WTIP: variants seen among roughly 807,000 people sequenced by gnomAD.
WTIP encodes Wilms tumor protein 1-interacting protein.
WTIP carries 23 observed loss-of-function variants against 41.7 expected under a neutral mutation model. The ratio of observed to expected loss-of-function variants is 0.55; its 90% CI spans 0.40 to 0.78. WTIP has a LOEUF of 0.78. Among genes scored for constraint, WTIP ranks in the 30% least tolerant of loss-of-function variants. The pLI is 0.00. For synonymous variants in WTIP, 314 were observed against 269.9 expected (o/e 1.16, Z -1.60); for missense variants, 619 against 610.5 (o/e 1.01, Z -0.15).
chr19:34,493,401 C>T lies in WTIP; in HGVS notation c.900+76C>T, dbSNP rs1432583290. On this transcript the variant is annotated intron_variant, in intron 4 of 7. Transcript: ENST00000590071. This position sits in a 1 kb window ranked among gnomAD's most constrained non-coding sequence, Gnocchi z 4.1. ...GAGGACTCTACCGTCTCCCCTGCTC[C>T]AGACCTGCCAGGGGTTCAGGGCCAG... 3.1e-6 allele frequency: 5 copies of T among 1,592,688 alleles called. No homozygotes were observed. The East Asian group carries it at 6.9e-5, about 22-fold the overall frequency.
In WTIP at chr19:34,511,175, A is replaced by C. The variant is rs555359744; in HGVS notation, c.*10906A>C. The C allele has an allele frequency of 2.9e-3, 447 of 152,592 alleles. 1 individual carries two copies. Among genetic ancestry groups the C allele is most frequent in the African/African-American group, 9.6e-3 (400 of 41,568 alleles). 9.5% of individuals were successfully genotyped at this position (152,592 alleles called of 1,614,324 possible). A position where few individuals can be genotyped will look rare whatever the true frequency, so the allele number is the denominator to read the frequency against. On this transcript the variant is annotated 3_prime_UTR_variant, in exon 8 of 8. Coordinates refer to ENST00000590071, the MANE Select transcript of WTIP (RefSeq NM_001080436.2). ...TGTGACTGGGAAGAAAAAGAGGTTT[A>C]ATGGGACTTGTAGCTCCACATGGCT...
intron 7 of WTIP, among the ~76,000 whole-genome samples, chr19:34,499,332 C>T (rs2075871988): frequency 1.3e-5 from 2 of 151,868 alleles, no homozygotes; most frequent in East Asian, 1.9e-4. Flanking sequence ...CAACATGAAA[C>T]CCCATCACTA....
rs2075771011 is a variant in WTIP at position 34,482,238 on chromosome 19, C to T, written c.264C>T (p.Ser88=). Residue 88 remains serine (S), a synonymous_variant, in exon 1 of 8, where the codon AGC becomes AGT. Coordinates refer to ENST00000590071, the MANE Select transcript of WTIP (RefSeq NM_001080436.2). The part of the protein sequence containing the change: ...VPELSAQPAG[S]PRASLAGSDG... ...AGCTCAGCGCGCAGCCTGCGGGCAG[C>T]CCACGGGCCAGCCTGGCGGGGTCCG... 10 of 1,212,186 alleles carry T rather than the reference C, an allele frequency of 8.2e-6. No homozygotes were observed. The East Asian group carries it at 3.7e-4, about 45-fold the overall frequency. 75.1% of individuals were successfully genotyped at this position (1,212,186 alleles called of 1,614,324 possible). A position where few individuals can be genotyped will look rare whatever the true frequency, so the allele number is the denominator to read the frequency against.
chr19:34,499,618 T>C (rs1279677641), intron 7 of WTIP, among the ~76,000 whole-genome samples: 1 of 152,138 alleles, frequency 6.6e-6, no homozygotes, highest in African/African-American at 2.4e-5. Flanking sequence ...ATCCAGTGAC[T>C]TCCTCTTGGA....
rs1313353244 is a variant in WTIP at position 34,512,138 on chromosome 19, T to C, written c.*11869T>C. 2.0e-5 allele frequency: 3 copies of C among 152,160 alleles called. No homozygotes were observed. Among genetic ancestry groups the C allele is most frequent in the Non-Finnish European group, 4.4e-5 (3 of 68,036 alleles). The allele number at this position is 152,160 out of a possible 1,614,324, so 9.4% of individuals were successfully genotyped here. A position where few individuals can be genotyped will look rare whatever the true frequency, so the allele number is the denominator to read the frequency against. The stretch of plus-strand genomic sequence containing the variant: ...CTCCACCACTGTGCTAAAGAGACAG[T>C]GGTGGAGGTGCTGGGCGTGCTGCTT... On this transcript the variant is annotated 3_prime_UTR_variant, in exon 8 of 8. Coordinates refer to ENST00000590071, the MANE Select transcript of WTIP (RefSeq NM_001080436.2).
intron 7 of WTIP, 68 bp from the exon 8 acceptor site, chr19:34,500,061 C>A: frequency 1.3e-6 from 2 of 1,565,588 alleles, no homozygotes; most frequent in Non-Finnish European, 1.7e-6. Flanking sequence ...CCGTCCCTCC[C>A]CCGTCCCGTG....
intron 7 of WTIP, among the ~76,000 whole-genome samples, chr19:34,499,228 A>G (rs2075871523): frequency 7.1e-6 from 1 of 140,724 alleles, no homozygotes; most frequent in Non-Finnish European, 1.5e-5. Flanking sequence ...AACAAAAAAC[A>G]GGCCAGGCAC....
rs1201766535 is a variant in WTIP at position 34,511,956 on chromosome 19, G to C, written c.*11687G>C. 2 of 152,288 alleles carry C rather than the reference G, an allele frequency of 1.3e-5. No homozygotes were observed. Among genetic ancestry groups the C allele is most frequent in the Non-Finnish European group, 2.9e-5 (2 of 68,016 alleles). 9.4% of individuals were successfully genotyped at this position (152,288 alleles called of 1,614,324 possible). A position where few individuals can be genotyped will look rare whatever the true frequency, so the allele number is the denominator to read the frequency against. On this transcript the variant is annotated 3_prime_UTR_variant, in exon 8 of 8. Transcript: ENST00000590071. ...GTGCTTTCAAATTCTGTGTTAATTT[G>C]GAGCTGACACCCTTTAATATTGAGT...
chr19:34,500,153 G>A lies in WTIP; in HGVS notation c.1177G>A (p.Glu393Lys). Reference sequence around the variant, plus strand: ...GGACTGCGGGCTGCAGCTGAGCGGGGAGGAGGGACGCCGTTGCTATCCCCT... The same window carrying A: ...GGACTGCGGGCTGCAGCTGAGCGGGAAGGAGGGACGCCGTTGCTATCCCCT... The part of the protein sequence containing the change: ...CEDCGLQLSG[E>K]EGRRCYPLAG... The change falls in exon 8 of 8, where the codon GAG (glutamate) becomes AAG (lysine). Residue 393 changes from glutamate (E) to lysine (K), a missense_variant. By Grantham distance (56) the Glu-to-Lys change is moderately conservative (BLOSUM62 1). Coordinates refer to ENST00000590071, the MANE Select transcript of WTIP (RefSeq NM_001080436.2). 1 of 1,601,010 alleles carries A rather than the reference G, an allele frequency of 6.2e-7. No homozygotes were observed. The highest frequency in any genetic ancestry group is 8.5e-7 in the Non-Finnish European group (1 of 1,179,776).
intron 1 of WTIP, among the ~76,000 whole-genome samples, chr19:34,486,554 A>T (rs1329022067): frequency 6.6e-6 from 1 of 152,044 alleles, no homozygotes; most frequent in Non-Finnish European, 1.5e-5. Context: ...TTTTTGGTAG[A>T]GACAGGGTTT....
At position 34,502,433 on chromosome 19, in the gene WTIP, TTTTTTTTTA is replaced by T. The variant is rs2075892849; in HGVS notation, c.*2165_*2173del. 1 of 151,164 alleles carries T rather than the reference TTTTTTTTTA, an allele frequency of 6.6e-6. No individual in the cohort carries two copies. The highest frequency in any genetic ancestry group is 2.1e-4 in the South Asian group (1 of 4,666). 9.4% of individuals were successfully genotyped at this position (151,164 alleles called of 1,614,324 possible). On this transcript the variant is annotated 3_prime_UTR_variant, in exon 8 of 8. Transcript: ENST00000590071. ...ATGACGCCCAGCTATTTTTTTTTTT[TTTTTTTTTA>T]AAGACAGAGTCTAGCTCTGTCGCCC... is the stretch of plus-strand genomic sequence containing the variant.
At chr19:34,495,209 C>T (rs1171895768) in intron 6 of WTIP, among the ~76,000 whole-genome samples, 1 of 151,910 alleles carries the variant, frequency 6.6e-6, no homozygotes, top group Non-Finnish European at 1.5e-5. Context: ...CAGCCTGGGC[C>T]GCCTAGTGAG....
chr19:34,497,062 C>T (rs2075858353), intron 7 of WTIP, among the ~76,000 whole-genome samples: 1 of 152,098 alleles, frequency 6.6e-6, no homozygotes, highest in African/African-American at 2.4e-5. Context: ...AGGGTTTCAC[C>T]ATGTTGGCTG....
In WTIP at chr19:34,500,290, G is replaced by T; in HGVS notation, c.*21G>T. On this transcript the variant is annotated 3_prime_UTR_variant, in exon 8 of 8. Coordinates refer to ENST00000590071, the MANE Select transcript of WTIP (RefSeq NM_001080436.2). The stretch of plus-strand genomic sequence containing the variant: ...TCTGAGCAGGGGAAAACCCGTCCCT[G>T]GGCCGGGGTGGGTGTGGGTGTGGAG... 1 of 1,587,442 alleles carries T rather than the reference G, an allele frequency of 6.3e-7. No individual in the cohort carries two copies. Among genetic ancestry groups the T allele is most frequent in the East Asian group, 2.3e-5 (1 of 44,234 alleles).
chr19:34,482,731 G>A, intron 1 of WTIP, 90 bp downstream of exon 1: 2 of 1,203,148 alleles, frequency 1.7e-6, no homozygotes, highest in Non-Finnish European at 2.1e-6. Flanking sequence ...GATCAGCGGA[G>A]GAGAGCACGG....
rs976186072 is a variant in WTIP at position 34,507,258 on chromosome 19, C to G, written c.*6989C>G. On this transcript the variant is annotated 3_prime_UTR_variant, in exon 8 of 8. Coordinates refer to ENST00000590071, the MANE Select transcript of WTIP (RefSeq NM_001080436.2). The stretch of plus-strand genomic sequence containing the variant: ...AAAAAAAAAAAAAATTGTATTCGGC[C>G]TATGATGAAATATTTTATTATTAGA... 2.0e-5 allele frequency: 3 copies of G among 150,832 alleles called. No individual in the cohort carries two copies. Among genetic ancestry groups the G allele is most frequent in the Non-Finnish European group, 4.4e-5 (3 of 67,894 alleles). 9.3% of individuals were successfully genotyped at this position (150,832 alleles called of 1,614,324 possible). A position where few individuals can be genotyped will look rare whatever the true frequency, so the allele number is the denominator to read the frequency against.
intron 1 of WTIP, among the ~76,000 whole-genome samples, chr19:34,486,884 G>A (rs1337782710): frequency 3.3e-5 from 5 of 151,728 alleles, no homozygotes; most frequent in African/African-American, 4.8e-5. Context: ...TCCACCTCCT[G>A]CACCTTCAGT....
rs762791917 is a variant in WTIP at position 34,500,179 on chromosome 19, G to A, written c.1203G>A (p.Leu401=). ...AGGAGGGACGCCGTTGCTATCCCCT[G>A]GCGGGCCACCTACTGTGTCGTCGTT... is the stretch of plus-strand genomic sequence containing the variant. ...SGEEGRRCYP[L]AGHLLCRRCH... Residue 401 remains leucine (L), a synonymous_variant, in exon 8 of 8, where the codon CTG becomes CTA. Transcript: ENST00000590071. 4.4e-6 allele frequency: 7 copies of A among 1,603,340 alleles called. No homozygotes were observed. Among genetic ancestry groups the A allele is most frequent in the Non-Finnish European group, 5.9e-6 (7 of 1,179,786 alleles).
At chr19:34,484,787 G>A (rs1182291258) in intron 1 of WTIP, among the ~76,000 whole-genome samples, 9 of 152,036 alleles carry the variant, frequency 5.9e-5, no homozygotes, top group East Asian at 5.8e-4. Context: ...CTGCTAGGCC[G>A]GGTGCGGTGG....
Sources: allele counts gnomAD v4.1 joint callset (sites outside exome capture counted in the v4.1 genomes callset), GRCh38; gene constraint gnomAD v4.1.1; non-coding constraint Gnocchi (gnomAD v3.1); transcripts MANE v1.5; gene names NCBI Gene and HGNC (gene_info 2026-07-23, HGNC 2026-07-21).